Variants in ST6GAL2 observed in about 807,000 individuals in gnomAD.
The protein encoded by ST6GAL2 is beta-galactoside alpha-2,6-sialyltransferase 2.
A neutral mutation model predicts 37.5 loss-of-function variants in ST6GAL2; 24 were observed. That is an observed-to-expected ratio of 0.64 (90% confidence interval 0.46 to 0.90). The LOEUF (loss-of-function observed/expected upper bound fraction) is 0.90. Ranked by LOEUF, ST6GAL2 falls within the 40% of genes least tolerant of loss-of-function variation. ST6GAL2 has a pLI of 0.00. For synonymous variants in ST6GAL2, 306 were observed against 295.1 expected, an observed-to-expected ratio of 1.04 and a Z score of -0.38; for missense variants, 715 against 712.7, an observed-to-expected ratio of 1.00 and a Z score of -0.04.
At chr2:106,876,222 C>T (rs886830289) in intron 1 of ST6GAL2, among the ~76,000 whole-genome samples, 1 of 152,108 alleles carries the variant, frequency 6.6e-6, no homozygotes, top group Non-Finnish European at 1.5e-5. Context: ...TAAAATACAT[C>T]TTCAAGATTT....
At chr2:106,859,995 T>C (rs2104576941) in intron 1 of ST6GAL2, among the ~76,000 whole-genome samples, 1 of 152,222 alleles carries the variant, frequency 6.6e-6, no homozygotes, top group South Asian at 2.1e-4. Flanking sequence ...TTGCTGCCCC[T>C]GAGTCAGCTC....
intron 1 of ST6GAL2, among the ~76,000 whole-genome samples, chr2:106,848,108 G>A (rs1306456650): frequency 3.3e-5 from 5 of 149,732 alleles, no homozygotes; most frequent in South Asian, 2.1e-4. Context: ...GCGGTGGCAC[G>A]ATCTTGTCTC....
At chr2:106,828,868 G>T (rs933621315) in intron 5 of ST6GAL2, among the ~76,000 whole-genome samples, 5 of 152,168 alleles carry the variant, frequency 3.3e-5, no homozygotes, top group African/African-American at 9.6e-5. Context: ...GGGGTGATAA[G>T]CTAAAACACA....
At chr2:106,838,723 T>G (rs1676747112) in intron 2 of ST6GAL2, among the ~76,000 whole-genome samples, 1 of 152,132 alleles carries the variant, frequency 6.6e-6, no homozygotes, top group South Asian at 2.1e-4. Context: ...GTTGTAAGGT[T>G]TACAACAGTT....
At chr2:106,875,383 G>T (rs184144574) in intron 1 of ST6GAL2, among the ~76,000 whole-genome samples, 7 of 152,128 alleles carry the variant, frequency 4.6e-5, no homozygotes, top group African/African-American at 1.4e-4. Context: ...TCGCCATGTT[G>T]CCCAGGCTGG....
chr2:106,815,468 TA>T (rs2104427058), intron 5 of ST6GAL2, among the ~76,000 whole-genome samples: 1 of 152,358 alleles, frequency 6.6e-6, no homozygotes, highest in South Asian at 2.1e-4. Flanking sequence ...CTGTTTGATG[TA>T]ATTATATGAT....
chr2:106,846,308 C>A (rs544718363), intron 1 of ST6GAL2, among the ~76,000 whole-genome samples: 1 of 152,040 alleles, frequency 6.6e-6, no homozygotes, highest in Admixed American at 6.5e-5. Context: ...CATTTATATA[C>A]CTATATATGT....
At chr2:106,820,177 C>A (rs1422523853) in intron 5 of ST6GAL2, among the ~76,000 whole-genome samples, 2 of 151,982 alleles carry the variant, frequency 1.3e-5, no homozygotes, top group African/African-American at 4.8e-5. Flanking sequence ...CACAGAGTGG[C>A]TGAATGGATA....
In ST6GAL2 at chr2:106,843,388, G is replaced by T; in HGVS notation, c.590C>A (p.Ser197Tyr). ...EEGDDGDRLY[S>Y]SMSRAFLYRL... The stretch of plus-strand genomic sequence containing the variant: ...GTACAGGAAGGCCCTGGACATGGAG[G>T]AGTACAGCCTGTCGCCGTCGTCGCC... Residue 197 changes from serine (S) to tyrosine (Y), a missense_variant, in exon 2 of 6, where the codon TCC becomes TAC. This residue lies in a region of ST6GAL2 where 512 missense variants were observed against 488.8 expected (regional missense o/e 1.05). Transcript: ENST00000409382. The T allele has an allele frequency of 6.2e-7, 1 of 1,614,140 alleles. No individual in the cohort carries two copies. Among genetic ancestry groups the T allele is most frequent in the Non-Finnish European group, 8.5e-7 (1 of 1,180,018 alleles).
At chr2:106,868,132 A>G (rs1167993084) in intron 1 of ST6GAL2, among the ~76,000 whole-genome samples, 2 of 152,198 alleles carry the variant, frequency 1.3e-5, no homozygotes, top group African/African-American at 4.8e-5. Context: ...ACTACCTTTG[A>G]GCCCAGCACA....
chr2:106,813,004 A>T (rs1226906344), intron 5 of ST6GAL2: 1 of 1,212,954 alleles, frequency 8.2e-7, no homozygotes, highest in Non-Finnish European at 1.0e-6. Flanking sequence ...TGATAGGCAG[A>T]TCAAGATTTA....
Position 106,832,637 on chromosome 2 carries a change from A to G in ST6GAL2, c.1071T>C (p.Ile357=). 6.2e-7 allele frequency: 1 copy of G among 1,612,880 alleles called. No homozygotes were observed. The highest frequency in any genetic ancestry group is 8.5e-7 in the Non-Finnish European group (1 of 1,178,940). ...TGACGTCTTTATACAGTGAACTGTC[A>G]ATGAAGTGATGGCTGGGGTTGGTCA... ...QILTNPSHHF[I]DSSLYKDVIL... The change falls in exon 4 of 6, where the codon ATT becomes ATC. Residue 357 remains isoleucine (I), a synonymous_variant. Coordinates refer to ENST00000409382, the MANE Select transcript of ST6GAL2 (RefSeq NM_001142351.2).
chr2:106,813,933 T>C (rs17033307), intron 5 of ST6GAL2, among the ~76,000 whole-genome samples: 112 of 152,358 alleles, frequency 7.4e-4, no homozygotes, highest in African/African-American at 2.6e-3. Context: ...GGAGCTGTTT[T>C]GTGGTTTCTC....
intron 1 of ST6GAL2, among the ~76,000 whole-genome samples, chr2:106,862,639 T>C (rs1382171879): frequency 6.6e-6 from 1 of 152,082 alleles, no homozygotes; most frequent in Non-Finnish European, 1.5e-5. Flanking sequence ...AAAAAAAGCA[T>C]TTCTGTCTTG....
intron 1 of ST6GAL2, among the ~76,000 whole-genome samples, chr2:106,868,363 C>G (rs1230983434): frequency 3.3e-5 from 5 of 152,304 alleles, no homozygotes; most frequent in South Asian, 2.1e-4. Flanking sequence ...GACTCCAAAG[C>G]CCCAGTCTCT....
intron 1 of ST6GAL2, among the ~76,000 whole-genome samples, chr2:106,861,517 T>G (rs1054285954): frequency 6.6e-5 from 10 of 152,244 alleles, no homozygotes; most frequent in African/African-American, 2.4e-4. Context: ...TTATCTTCCA[T>G]GATCCTATAA....
At chr2:106,809,241 G>C (rs139608241) in intron 5 of ST6GAL2, among the ~76,000 whole-genome samples, 2 of 152,356 alleles carry the variant, frequency 1.3e-5, no homozygotes, top group East Asian at 3.9e-4. Flanking sequence ...GAATCACGCT[G>C]AAGGGGGTGG....
intron 1 of ST6GAL2, among the ~76,000 whole-genome samples, chr2:106,882,708 A>G (rs1678802781): frequency 6.6e-6 from 1 of 152,200 alleles, no homozygotes; most frequent in South Asian, 2.1e-4. Context: ...CTGCAGAAGC[A>G]CTGGCCAATA....
At chr2:106,825,792 C>T (rs528997862) in intron 5 of ST6GAL2, among the ~76,000 whole-genome samples, 53 of 152,230 alleles carry the variant, frequency 3.5e-4, no homozygotes, top group African/African-American at 1.3e-3. Context: ...TGGGCAGGAC[C>T]CTTGTCTGGT....
Sources: gnomAD v4.1 joint callset for allele counts (sites outside exome capture counted in the v4.1 genomes callset) on GRCh38, gnomAD v4.1.1 for gene constraint, gnomAD v4.1.1 regional missense constraint, MANE v1.5 for transcripts, NCBI Gene and HGNC (gene_info 2026-07-23, HGNC 2026-07-21) for gene names.